The following FTSJ3 variants were observed in gnomAD, a reference collection of about 807,000 sequenced individuals.
FTSJ3 encodes the protein pre-rRNA 2'-O-ribose RNA methyltransferase FTSJ3.
Under a neutral mutation model 111.5 loss-of-function variants are expected in FTSJ3, and 46 were observed. That is an observed-to-expected ratio of 0.41 (90% CI 0.33 to 0.53). The LOEUF (loss-of-function observed/expected upper bound fraction) is 0.53. Among genes scored for constraint, FTSJ3 ranks in the 20% least tolerant of loss-of-function variants. The pLI is 0.19. For synonymous variants in FTSJ3, 408 were observed against 383.0 expected (o/e 1.07, Z -0.76); for missense variants, 1,075 against 1,063.8 (o/e 1.01, Z -0.15).
chr17:63,819,453 T>G lies in FTSJ3; in HGVS notation c.*349A>C. On this transcript the variant is annotated 3_prime_UTR_variant, in exon 21 of 21. Transcript: ENST00000427159. ...AACTCTTCCATTATCCTGGTTTTAT[T>G]CAGGAATAGGATGGGGGTGGGGAGG... The G allele has an allele frequency of 4.5e-6, 1 of 224,294 alleles. No individual in the cohort carries two copies. The highest frequency in any genetic ancestry group is 8.8e-6 in the Non-Finnish European group (1 of 113,418). The allele number at this position is 224,294 out of a possible 1,614,324, so 13.9% of individuals were successfully genotyped here.
At position 63,823,838 on chromosome 17, in the gene FTSJ3, C is replaced by T. The variant is rs1434561773; in HGVS notation, c.1269G>A (p.Leu423=). 6.2e-7 allele frequency: 1 copy of T among 1,614,136 alleles called. No individual in the cohort carries two copies. Among genetic ancestry groups the T allele is most frequent in the South Asian group, 1.1e-5 (1 of 91,078 alleles). The change falls in exon 13 of 21, where the codon TTG becomes TTA. Residue 423 remains leucine, a synonymous_variant. Coordinates refer to ENST00000427159, the MANE Select transcript of FTSJ3 (RefSeq NM_017647.4). ...ADEGETGMFS[L]STIRGHQLLE... is the part of the protein sequence containing the mutation. The stretch of plus-strand genomic sequence containing the variant: ...TCACCTGGTGACCCCGGATGGTGCT[C>T]AAGGAGAACATGCCAGTCTCCCCCT...
intron 19 of FTSJ3, 29 bp from the exon 20 acceptor site, chr17:63,820,202 T>TGGGCCTG: frequency 6.3e-7 from 1 of 1,593,210 alleles, no homozygotes; most frequent in Non-Finnish European, 8.6e-7. Context: ...GGTGACCTCT[T>TGGGCCTG]CCCCATCCCC....
rs751776325 is a variant in FTSJ3, at chr17:63,820,916, G to A, written c.1995C>T (p.Pro665=). The change falls in exon 18 of 21, where the codon CCC becomes CCT. Residue 665 remains proline (P), a synonymous_variant. Transcript: ENST00000427159. ...TAACAGCACCTAGAGCAAGGCCTTC[G>A]GGGTCCAGTATCCGATGTTTCGCTA... ...EDPAKHRILD[P]EGLALGAVIA... 14 of 1,614,090 alleles carry A rather than the reference G, an allele frequency of 8.7e-6. No individual in the cohort carries two copies. The highest frequency in any genetic ancestry group is 3.3e-4 in the Middle Eastern group (2 of 6,062).
chr17:63,821,261 C>G, intron 16 of FTSJ3, 93 bp downstream of exon 16: 1 of 1,491,246 alleles, frequency 6.7e-7, no homozygotes, highest in South Asian at 1.2e-5. Context: ...TTAACCCTCC[C>G]CATGTGCAGC....
chr17:63,824,161 C>T lies in FTSJ3; in HGVS notation c.1077G>A (p.Glu359=). ...GTTGTTCCTCCTCCTCCTCTTCCTC[C>T]TCCTCCTTAGAGGGCTGCTTTGTGG... ...AGTTKQPSKE[E]EEEEEEEQLN... Residue 359 remains glutamate, a synonymous_variant, in exon 12 of 21, where the codon GAG becomes GAA. Coordinates refer to ENST00000427159, the MANE Select transcript of FTSJ3 (RefSeq NM_017647.4). 1 of 1,614,134 alleles carries T rather than the reference C, an allele frequency of 6.2e-7. No individual in the cohort carries two copies. Among genetic ancestry groups the T allele is most frequent in the Non-Finnish European group, 8.5e-7 (1 of 1,180,032 alleles).
At position 63,824,195 on chromosome 17, in the gene FTSJ3, G is replaced by T; in HGVS notation, c.1043C>A (p.Thr348Lys). ...AGAGGGCTGCTTTGTGGTTCCAGCT[G>T]TTGAGTCCTCCTCATCACCTTCATC... ...EEDEGDEEDSTAGTTKQPSKE... is the reference protein window; with the variant it reads ...EEDEGDEEDSKAGTTKQPSKE... Residue 348 changes from threonine (T) to lysine (K), a missense_variant, in exon 12 of 21, where the codon ACA becomes AAA. This residue lies in a region of FTSJ3 where 867 missense variants were observed against 796.9 expected (regional missense o/e 1.09). Coordinates refer to ENST00000427159, the MANE Select transcript of FTSJ3 (RefSeq NM_017647.4). The T allele has an allele frequency of 3.7e-6, 6 of 1,614,094 alleles. No individual in the cohort carries two copies. The highest frequency in any genetic ancestry group is 5.1e-6 in the Non-Finnish European group (6 of 1,180,036).
chr17:63,821,097 A>T lies in FTSJ3; in HGVS notation c.1905T>A (p.Gly635=). 1 of 1,614,064 alleles carries T rather than the reference A, an allele frequency of 6.2e-7. No homozygotes were observed. Among genetic ancestry groups the T allele is most frequent in the Non-Finnish European group, 8.5e-7 (1 of 1,180,004 alleles). ...EEEESWEPLR[G]KKRSRGPKSD... ...ACTTAGGCCCACGGCTTCGCTTCTT[A>T]CCACGGAGGGGTTCCCAGCTGTGAA... is the stretch of plus-strand genomic sequence containing the variant. The change falls in exon 17 of 21, where the codon GGT becomes GGA. Residue 635 remains glycine (G), a synonymous_variant. Transcript: ENST00000427159.
intron 10 of FTSJ3, 81 bp downstream of exon 10, chr17:63,824,556 T>C (rs1244006319): frequency 2.1e-6 from 3 of 1,428,018 alleles, no homozygotes; most frequent in South Asian, 2.3e-5. Flanking sequence ...AGCACAGCAA[T>C]ATCCTCTTCC....
In FTSJ3 at chr17:63,825,745, C is replaced by T; in HGVS notation, c.301-110G>A. 4 of 883,224 alleles carry T rather than the reference C, an allele frequency of 4.5e-6. No homozygotes were observed. In the South Asian group the frequency reaches 5.8e-5, roughly 13 times the overall value. The allele number at this position is 883,224 out of a possible 1,614,324, so 54.7% of individuals were successfully genotyped here. ...TGCCCATCATGGGCCAAATGCAGTA[C>T]CAGGCACAGGAGATACAATAGTAAA... On this transcript the variant is annotated intron_variant, in intron 5 of 20. Transcript: ENST00000427159.
Position 63,826,091 on chromosome 17 carries a change from G to A in FTSJ3, c.265C>T (p.Leu89Phe), listed in dbSNP as rs1026506519. ...PIKPLPNVVT[L>F]QQDITTERCR... ...CGTTCTGTTGTGATGTCCTGCTGGA[G>A]AGTCACCACATTGGGGAGAGGCTTG... The change falls in exon 5 of 21, where the codon CTC becomes TTC. Residue 89 changes from leucine (L) to phenylalanine (F), a missense_variant. This residue lies in a region of FTSJ3 where 208 missense variants were observed against 266.9 expected (regional missense o/e 0.78). Coordinates refer to ENST00000427159, the MANE Select transcript of FTSJ3 (RefSeq NM_017647.4). 1 of 1,613,748 alleles carries A rather than the reference G, an allele frequency of 6.2e-7. No individual in the cohort carries two copies. Among genetic ancestry groups the A allele is most frequent in the Non-Finnish European group, 8.5e-7 (1 of 1,179,614 alleles).
chr17:63,821,297 G>C (rs1414472523), intron 16 of FTSJ3, 57 bp downstream of exon 16: 2 of 1,555,614 alleles, frequency 1.3e-6, no homozygotes, highest in Non-Finnish European at 1.7e-6. Flanking sequence ...CCAATTTAGA[G>C]AAATGGTTCA....
At chr17:63,821,256 C>T in intron 16 of FTSJ3, 98 bp downstream of exon 16, 1 of 1,495,798 alleles carries the variant, frequency 6.7e-7, no homozygotes, top group Non-Finnish European at 9.2e-7. Flanking sequence ...TATTTTTAAC[C>T]CTCCCCATGT....
chr17:63,826,897 GC>G lies in FTSJ3; in HGVS notation c.5del (p.Gly2AlafsTer31), dbSNP rs1246777318. 1.2e-6 allele frequency: 2 copies of G among 1,613,580 alleles called. No homozygotes were observed. Among genetic ancestry groups the G allele is most frequent in the Non-Finnish European group, 1.7e-6 (2 of 1,179,708 alleles). Reference protein sequence around the residue: MGKKGKVGKSRR... With the variant: MXKKGKVGKSRR... ...GGCTCTTGCCAACTTTGCCCTTCTT[GC>G]CCATGGTGGAAAGGGGGAGTATCCC... is the stretch of plus-strand genomic sequence containing the variant. On this transcript the variant is annotated frameshift_variant, in exon 2 of 21. Coordinates refer to ENST00000427159, the MANE Select transcript of FTSJ3 (RefSeq NM_017647.4). LOFTEE classifies it high-confidence loss of function.
At chr17:63,826,518 G>A (rs774627687) in intron 3 of FTSJ3, 49 bp downstream of exon 3, 7 of 1,484,960 alleles carry the variant, frequency 4.7e-6, no homozygotes, top group Non-Finnish European at 6.6e-6. Context: ...TCCCAGCTCA[G>A]AACCCAGAAA....
In FTSJ3 at chr17:63,824,929, C is replaced by G. The variant is rs771708058; in HGVS notation, c.712G>C (p.Ala238Pro). Residue 238 changes from alanine (A) to proline (P), a missense_variant and splice_region_variant, in exon 9 of 21, where the codon GCT becomes CCT. Transcript: ENST00000427159. The part of the protein sequence containing the change: ...TELVTKKKPK[A>P]EGYAEGDLTL... ...AGGTCACCCTCAGCATAGCCTTCAG[C>G]CTTAGGAAGGAAAAGAGAGAAGCTT... is the stretch of plus-strand genomic sequence containing the variant. 1.3e-6 allele frequency: 2 copies of G among 1,579,032 alleles called. No individual in the cohort carries two copies. The highest frequency in any genetic ancestry group is 1.7e-6 in the Non-Finnish European group (2 of 1,163,160).
chr17:63,825,666 G>C lies in FTSJ3; in HGVS notation c.301-31C>G. ...GAGAAGAAAAGGAACTATGGAAACAGAAACACTGGAATGGCCCTGGTTCAG... is the reference window on the plus strand; with the variant it reads ...GAGAAGAAAAGGAACTATGGAAACACAAACACTGGAATGGCCCTGGTTCAG... On this transcript the variant is annotated intron_variant, in intron 5 of 20. Transcript: ENST00000427159. The C allele has an allele frequency of 2.5e-6, 4 of 1,575,312 alleles. No homozygotes were observed. The South Asian group carries it at 3.3e-5, about 13-fold the overall frequency.
chr17:63,820,855 C>A lies in FTSJ3; in HGVS notation c.2056G>T (p.Asp686Tyr). The A allele has an allele frequency of 6.2e-7, 1 of 1,613,496 alleles. No individual in the cohort carries two copies. The highest frequency in any genetic ancestry group is 2.2e-5 in the East Asian group (1 of 44,884). ...CCCCTTTACCGGTTGAAGGAGTTAT[C>A]TATGAGGTCTCTCTTGGCCTTTTTG... ...SSKKAKRDLI[D>Y]NSFNRYTFNE... is the part of the protein sequence containing the mutation. Residue 686 changes from aspartate (D) to tyrosine (Y), a missense_variant, in exon 18 of 21, where the codon GAT becomes TAT. Physicochemically the swap from Asp to Tyr is radical, Grantham distance 160 (BLOSUM62 -3). Transcript: ENST00000427159.
chr17:63,820,208 T>TGG, intron 19 of FTSJ3, 35 bp from the exon 20 acceptor site: 2 of 694,908 alleles, frequency 2.9e-6, no homozygotes, highest in Middle Eastern at 3.0e-4. Flanking sequence ...CTCTTCCCCA[T>TGG]CCCCCCACCC....
intron 19 of FTSJ3, 40 bp downstream of exon 19, chr17:63,820,215 A>ACCCCCCCCCCC: frequency 3.6e-6 from 1 of 279,826 alleles, no homozygotes; most frequent in Non-Finnish European, 6.6e-6. Context: ...CCATCCCCCC[A>ACCCCCCCCCCC]CCCCCACCCC....
Sources: gnomAD v4.1 joint callset for allele counts on GRCh38, gnomAD v4.1.1 for gene constraint, gnomAD v4.1.1 regional missense constraint, MANE v1.5 for transcripts, NCBI Gene and HGNC (gene_info 2026-07-23, HGNC 2026-07-21) for gene names.